Variants in ASCC3 observed in about 807,000 individuals in gnomAD.
ASCC3 encodes activating signal cointegrator 1 complex subunit 3, also known as ASC-1 complex subunit P200.
ASCC3 carries 158 observed loss-of-function variants against 256.3 expected under a neutral mutation model. The ratio of observed to expected loss-of-function variants is 0.62; its 90% CI spans 0.54 to 0.70. ASCC3 has a LOEUF of 0.70. ASCC3 is among the 30% of genes least tolerant of loss of function. ASCC3 has a pLI of 0.00. For synonymous variants in ASCC3, 948 were observed against 883.4 expected (o/e 1.07, Z -1.30); for missense variants, 2,259 against 2,626.0 (o/e 0.86, Z 3.05).
intron 30 of ASCC3, among the ~76,000 whole-genome samples, chr6:100,621,846 C>CA (rs1773967527): frequency 6.6e-6 from 1 of 152,144 alleles, no homozygotes; most frequent in East Asian, 1.9e-4. Flanking sequence ...CCCAAATGCC[C>CA]ATCAGTGATA....
intron 36 of ASCC3, among the ~76,000 whole-genome samples, chr6:100,568,769 TTATTA>T (rs1770413197): frequency 7.1e-6 from 1 of 140,374 alleles, no homozygotes; most frequent in South Asian, 2.1e-4. Flanking sequence ...ATTATTATTA[TTATTA>T]TTATTATTAT....
chr6:100,876,741 A>G (rs969493145), intron 1 of ASCC3, among the ~76,000 whole-genome samples: 1 of 152,206 alleles, frequency 6.6e-6, no homozygotes, highest in African/African-American at 2.4e-5. Context: ...TTAATAATAA[A>G]TATTTAATGC....
intron 36 of ASCC3, among the ~76,000 whole-genome samples, chr6:100,551,667 A>G (rs568773977): frequency 5.3e-5 from 8 of 152,164 alleles, no homozygotes; most frequent in Admixed American, 2.6e-4. Context: ...TTCATTATCA[A>G]ATTTGACACA....
At chr6:100,580,453 G>T (rs1237385471) in intron 36 of ASCC3, among the ~76,000 whole-genome samples, 5 of 151,700 alleles carry the variant, frequency 3.3e-5, no homozygotes, top group Non-Finnish European at 5.9e-5. Flanking sequence ...GAAATGTTTG[G>T]TAAAAGTGAA....
chr6:100,665,139 G>A (rs1486945042), intron 14 of ASCC3, among the ~76,000 whole-genome samples: 1 of 152,110 alleles, frequency 6.6e-6, no homozygotes, highest in Non-Finnish European at 1.5e-5. Flanking sequence ...TACTGACATA[G>A]TACCTCCCAC....
chr6:100,578,986 T>A (rs1028149867), intron 36 of ASCC3, among the ~76,000 whole-genome samples: 2 of 152,102 alleles, frequency 1.3e-5, no homozygotes, highest in African/African-American at 4.8e-5. Flanking sequence ...CTCACCAGCA[T>A]CTGTTGTTTT....
At chr6:100,807,745 G>T (rs575884266) in intron 4 of ASCC3, among the ~76,000 whole-genome samples, 81 of 151,932 alleles carry the variant, frequency 5.3e-4, no homozygotes, top group African/African-American at 1.9e-3. Flanking sequence ...TATCAGTTTT[G>T]TAAATTTCAT....
chr6:100,862,313 T>A (rs548280502), intron 3 of ASCC3, among the ~76,000 whole-genome samples: 9 of 152,314 alleles, frequency 5.9e-5, no homozygotes, highest in Non-Finnish European at 1.3e-4. Flanking sequence ...CTTCGGAAGA[T>A]CTAACTGTAC....
intron 8 of ASCC3, among the ~76,000 whole-genome samples, chr6:100,778,715 C>A (rs1343313217): frequency 6.6e-6 from 1 of 151,984 alleles, no homozygotes; most frequent in Non-Finnish European, 1.5e-5. Flanking sequence ...TGACATACAA[C>A]AATGCAGATT....
At chr6:100,600,211 A>ACATGCACATG (rs1180832244) in intron 34 of ASCC3, among the ~76,000 whole-genome samples, 2 of 68,488 alleles carry the variant, frequency 2.9e-5, no homozygotes, top group African/African-American at 6.5e-5. Flanking sequence ...ACATGCACAC[A>ACATGCACATG]CACACACACA....
chr6:100,588,207 G>T (rs958389299), intron 36 of ASCC3, among the ~76,000 whole-genome samples: 1 of 152,122 alleles, frequency 6.6e-6, no homozygotes, highest in Admixed American at 6.5e-5. Context: ...GATTAAATTA[G>T]TTTATTAATT....
Position 100,539,189 on chromosome 6 carries a change from C to T in ASCC3, c.5775+974G>A, listed in dbSNP as rs547575282. 3.3e-5 allele frequency among the ~76,000 whole-genome samples: 5 copies of T among 152,298 alleles called. No individual in the cohort carries two copies. In the South Asian group the frequency reaches 1.0e-3, roughly 32 times the overall value. ...AACCACCATCATTTATTGTCTAGCA[C>T]TACAGCACTTAAGGTATAAAAAGGT... On this transcript the variant is annotated intron_variant, in intron 37 of 41. Transcript: ENST00000369162.
chr6:100,681,230 T>C (rs1415224894), intron 13 of ASCC3, among the ~76,000 whole-genome samples: 1 of 151,970 alleles, frequency 6.6e-6, no homozygotes, highest in African/African-American at 2.4e-5. Flanking sequence ...AACAGATAAT[T>C]TGTAGAAGAT....
chr6:100,757,689 C>T (rs536818002), intron 10 of ASCC3, among the ~76,000 whole-genome samples: 1 of 152,128 alleles, frequency 6.6e-6, no homozygotes, highest in South Asian at 2.1e-4. Context: ...CACCTAATAA[C>T]CCTAGACAAA....
chr6:100,646,195 T>C (rs1775370878), intron 22 of ASCC3, among the ~76,000 whole-genome samples: 1 of 152,112 alleles, frequency 6.6e-6, no homozygotes, highest in East Asian at 1.9e-4. Flanking sequence ...CTGTTGTTCA[T>C]TGTTGAAATT....
chr6:100,658,216 C>G lies in ASCC3; in HGVS notation c.2704-2398G>C, dbSNP rs115423116. ...AAGAAAAACATCTAACATGACATTTCTAAAAGTGGCATTAGTATATAGTGT... is the reference window on the plus strand; with the variant it reads ...AAGAAAAACATCTAACATGACATTTGTAAAAGTGGCATTAGTATATAGTGT... On this transcript the variant is annotated intron_variant, in intron 16 of 41. Transcript: ENST00000369162. 4.9e-3 allele frequency among the ~76,000 whole-genome samples: 741 copies of G among 151,566 alleles called. 6 individuals are homozygous for G. Among genetic ancestry groups the G allele is most frequent in the African/African-American group, 0.017 (710 of 41,498 alleles).
chr6:100,555,327 T>C (rs1413747133), intron 36 of ASCC3, among the ~76,000 whole-genome samples: 1 of 152,222 alleles, frequency 6.6e-6, no homozygotes, highest in Non-Finnish European at 1.5e-5. Flanking sequence ...TATATTTCCT[T>C]TCAGGGCTCA....
At chr6:100,784,296 C>T (rs1173010156) in intron 8 of ASCC3, among the ~76,000 whole-genome samples, 3 of 151,882 alleles carry the variant, frequency 2.0e-5, no homozygotes, top group Admixed American at 1.3e-4. Context: ...AAATTTATTG[C>T]TCTTGGTAAT....
chr6:100,797,218 G>A (rs1418114209), intron 8 of ASCC3, among the ~76,000 whole-genome samples: 1 of 152,066 alleles, frequency 6.6e-6, no homozygotes, highest in African/African-American at 2.4e-5. Context: ...GGGAGGCCGA[G>A]GCGGGTGGAT....
Sources: allele counts gnomAD v4.1 joint callset (sites outside exome capture counted in the v4.1 genomes callset), GRCh38; gene constraint gnomAD v4.1.1; transcripts MANE v1.5; gene names NCBI Gene and HGNC (gene_info 2026-07-23, HGNC 2026-07-21).